Variants in ADORA2A observed in about 807,000 individuals in gnomAD.
ADORA2A encodes the protein adenosine receptor A2a.
A neutral mutation model predicts 18.4 loss-of-function variants in ADORA2A; 11 were observed. The ratio of observed to expected loss-of-function variants is 0.60; its 90% CI spans 0.38 to 0.99. The LOEUF (loss-of-function observed/expected upper bound fraction) is 0.99. Ranked by LOEUF, ADORA2A falls within the 50% of genes least tolerant of loss-of-function variation. The pLI is 0.01. For missense variants in ADORA2A, 449 were observed against 556.1 expected (o/e 0.81, Z 1.94); for synonymous variants, 218 against 237.3 (o/e 0.92, Z 0.75).
At chr22:24,426,981 C>T (rs573367346), upstream of ADORA2A, among the ~76,000 whole-genome samples, 1 of 152,342 alleles carries the variant, frequency 6.6e-6, no homozygotes, top group South Asian at 2.1e-4. Context: ...TGCTGCTGCT[C>T]TTCTGTGCCC....
At chr22:24,434,288 C>A (rs1425273643) in intron 2 of ADORA2A, among the ~76,000 whole-genome samples, 1 of 152,162 alleles carries the variant, frequency 6.6e-6, no homozygotes, top group African/African-American at 2.4e-5. Flanking sequence ...TGGTTGAATG[C>A]CACAGTGAGT....
chr22:24,440,466 T>A, intron 2 of ADORA2A, 117 bp from the exon 3 acceptor site: 4 of 1,015,600 alleles, frequency 3.9e-6, no homozygotes, highest in South Asian at 3.5e-5. Context: ...AGGAAATGAC[T>A]GGTCCAAGAC....
intron 2 of ADORA2A, among the ~76,000 whole-genome samples, chr22:24,439,046 A>AGTAGAGC (rs945199125): frequency 7.0e-6 from 1 of 143,064 alleles, no homozygotes; most frequent in Non-Finnish European, 1.5e-5. Flanking sequence ...TCCGCAGTTA[A>AGTAGAGC]GTAGAGCACA....
chr22:24,431,416 T>C lies in ADORA2A; in HGVS notation c.-274-1715T>C, dbSNP rs778320261. The C allele has an allele frequency of 2.2e-5, 10 of 456,552 alleles. No homozygotes were observed. The East Asian group carries it at 4.2e-4, about 19-fold the overall frequency. 28.3% of individuals were successfully genotyped at this position (456,552 alleles called of 1,614,324 possible). On this transcript the variant is annotated intron_variant, in intron 1 of 2. Transcript: ENST00000337539. The stretch of plus-strand genomic sequence containing the variant: ...CCAGCCACTTGAGGTGCCGACAGCA[T>C]TGGAGTTGGAGGGAAAGTTGGGGTC...
intron 2 of ADORA2A, among the ~76,000 whole-genome samples, chr22:24,439,072 CTTT>C (rs3032740): frequency 1.5e-3 from 110 of 73,076 alleles, no homozygotes; most frequent in South Asian, 6.1e-3. Context: ...CCCCTTGCAC[CTTT>C]TTTTTTTTTT....
chr22:24,425,837 C>G (rs370137275), upstream of ADORA2A, among the ~76,000 whole-genome samples: 4 of 152,340 alleles, frequency 2.6e-5, no homozygotes, highest in African/African-American at 9.6e-5. Context: ...GTTGCTGTCC[C>G]GGGGAATCTG....
rs1234663298 is a variant in ADORA2A, at chr22:24,433,426, G to A, written c.22G>A (p.Val8Met). Residue 8 changes from valine (V) to methionine (M), a missense_variant, in exon 2 of 3, where the codon GTG (valine) becomes ATG (methionine). Val to Met is a conservative substitution (Grantham distance 21). Transcript: ENST00000337539. ...GGCCATGCCCATCATGGGCTCCTCGGTGTACATCACGGTGGAGCTGGCCAT... is the reference window on the plus strand; with the variant it reads ...GGCCATGCCCATCATGGGCTCCTCGATGTACATCACGGTGGAGCTGGCCAT... MPIMGSS[V>M]YITVELAIAV... 1 of 1,613,206 alleles carries A rather than the reference G, an allele frequency of 6.2e-7. No homozygotes were observed. The highest frequency in any genetic ancestry group is 8.5e-7 in the Non-Finnish European group (1 of 1,179,708).
intron 2 of ADORA2A, among the ~76,000 whole-genome samples, chr22:24,436,760 TGGA>T (rs1396685356): frequency 1.3e-5 from 2 of 152,094 alleles, no homozygotes; most frequent in East Asian, 3.9e-4. Context: ...GAGGGCTCCC[TGGA>T]GGAGGTGTCA....
At chr22:24,426,661 G>A (rs536782546), upstream of ADORA2A, among the ~76,000 whole-genome samples, 8 of 152,248 alleles carry the variant, frequency 5.3e-5, no homozygotes, top group East Asian at 1.9e-4. Flanking sequence ...GTTTCATGGC[G>A]GAGGAGGCCT....
Position 24,440,862 on chromosome 22 carries a change from G to T in ADORA2A, c.612G>T (p.Ala204=). The change falls in exon 3 of 3, where the codon GCG becomes GCT. Residue 204 remains alanine (A), a synonymous_variant. Coordinates refer to ENST00000337539, the MANE Select transcript of ADORA2A (RefSeq NM_000675.6). ...LGVYLRIFLA[A]RRQLKQMESQ... Reference sequence around the variant, plus strand: ...TCTATTTGCGGATCTTCCTGGCGGCGCGACGACAGCTGAAGCAGATGGAGA... The same window carrying T: ...TCTATTTGCGGATCTTCCTGGCGGCTCGACGACAGCTGAAGCAGATGGAGA... 1 of 1,614,170 alleles carries T rather than the reference G, an allele frequency of 6.2e-7. No individual in the cohort carries two copies. Among genetic ancestry groups the T allele is most frequent in the Non-Finnish European group, 8.5e-7 (1 of 1,180,036 alleles).
rs3032740 is a variant in ADORA2A, at chr22:24,439,072, C to CTTTTTTTTTTTTTT, written c.333-1495_333-1482dup. On this transcript the variant is annotated intron_variant, in intron 2 of 2. Transcript: ENST00000337539. ...GTAGAGCACATCCTTCCCCTTGCAC[C>CTTTTTTTTTTTTTT]TTTTTTTTTTTTTTTTTTTTTTTTT... Among the ~76,000 whole-genome samples the CTTTTTTTTTTTTTT allele has an allele frequency of 6.2e-4, 45 of 73,104 alleles. 7 individuals are homozygous for CTTTTTTTTTTTTTT. Among genetic ancestry groups the CTTTTTTTTTTTTTT allele is most frequent in the East Asian group, 1.8e-3 (3 of 1,690 alleles). The allele number at this position is 73,104 out of a possible 152,430, so 48.0% of individuals were successfully genotyped here. A position where few individuals can be genotyped will look rare whatever the true frequency, so the allele number is the denominator to read the frequency against.
chr22:24,433,296 C>A lies in ADORA2A; in HGVS notation c.-109C>A. On this transcript the variant is annotated 5_prime_UTR_variant, in exon 2 of 3. Transcript: ENST00000337539. ...TGAGGAAGGGGCTCAGGGGTCTGGG[C>A]CCCTCCGCCTGGGCCGGGCTGGGAG... The A allele has an allele frequency of 9.1e-7, 1 of 1,104,204 alleles. No homozygotes were observed. The highest frequency in any genetic ancestry group is 1.5e-5 in the South Asian group (1 of 66,352). The allele number at this position is 1,104,204 out of a possible 1,614,324, so 68.4% of individuals were successfully genotyped here. A position where few individuals can be genotyped will look rare whatever the true frequency, so the allele number is the denominator to read the frequency against.
intron 1 of ADORA2A, chr22:24,432,092 C>T (rs1341778521): frequency 1.3e-5 from 2 of 154,074 alleles, no homozygotes; most frequent in African/African-American, 4.8e-5. Flanking sequence ...TTCCTGGTGT[C>T]AGCCAGGCAG....
rs2043314142 is a variant in ADORA2A, at chr22:24,440,594, T to C, written c.344T>C (p.Leu115Ser). Residue 115 changes from leucine (L) to serine (S), a missense_variant, in exon 3 of 3, where the codon TTG becomes TCG. Physicochemically the swap from Leu to Ser is moderately radical, Grantham distance 145. Coordinates refer to ENST00000337539, the MANE Select transcript of ADORA2A (RefSeq NM_000675.6). Reference protein sequence around the residue: ...AIRIPLRYNGLVTGTRAKGII... With the variant: ...AIRIPLRYNGSVTGTRAKGII... ...TCTCTTCTCCCCAGGTACAATGGCT[T>C]GGTGACCGGCACGAGGGCTAAGGGC... The C allele has an allele frequency of 3.8e-6, 6 of 1,560,880 alleles. No individual in the cohort carries two copies. In the South Asian group the frequency reaches 6.1e-5, roughly 16 times the overall value.
At chr22:24,434,395 G>A (rs1381587817) in intron 2 of ADORA2A, among the ~76,000 whole-genome samples, 4 of 152,240 alleles carry the variant, frequency 2.6e-5, no homozygotes, top group African/African-American at 9.6e-5. Flanking sequence ...CTGTTGGAGG[G>A]GATTTTTATG....
chr22:24,438,051 G>A (rs1436057441), intron 2 of ADORA2A, among the ~76,000 whole-genome samples: 1 of 152,274 alleles, frequency 6.6e-6, no homozygotes, highest in Non-Finnish European at 1.5e-5. Flanking sequence ...TGGCTGCTTG[G>A]CTCTGCTCTG....
intron 1 of ADORA2A, chr22:24,430,822 G>A (rs2043013206): frequency 3.9e-5 from 13 of 336,586 alleles, no homozygotes; most frequent in South Asian, 3.0e-4. Flanking sequence ...GCCCTAGAGA[G>A]GGCCGTGGTG....
rs781747793 is a variant in ADORA2A at position 24,433,427 on chromosome 22, T to C, written c.23T>C (p.Val8Ala). Residue 8 changes from valine to alanine, a missense_variant, in exon 2 of 3, where the codon GTG becomes GCG. Physicochemically the swap from Val to Ala is moderately conservative, Grantham distance 64. Coordinates refer to ENST00000337539, the MANE Select transcript of ADORA2A (RefSeq NM_000675.6). ...GCCATGCCCATCATGGGCTCCTCGGTGTACATCACGGTGGAGCTGGCCATT... is the reference window on the plus strand; with the variant it reads ...GCCATGCCCATCATGGGCTCCTCGGCGTACATCACGGTGGAGCTGGCCATT... The part of the protein sequence containing the change: MPIMGSS[V>A]YITVELAIAV... The C allele has an allele frequency of 2.5e-6, 4 of 1,613,138 alleles. No individual in the cohort carries two copies. The highest frequency in any genetic ancestry group is 2.7e-5 in the African/African-American group (2 of 74,908).
At position 24,440,199 on chromosome 22, in the gene ADORA2A, T is replaced by C. The variant is rs202168077; in HGVS notation, c.333-384T>C. ...AAGGCTGCGACCAACATGGAGGTAATTGATCTTGGTTAAGGCTACGACACG... is the reference window on the plus strand; with the variant it reads ...AAGGCTGCGACCAACATGGAGGTAACTGATCTTGGTTAAGGCTACGACACG... On this transcript the variant is annotated intron_variant, in intron 2 of 2. Coordinates refer to ENST00000337539, the MANE Select transcript of ADORA2A (RefSeq NM_000675.6). 5.9e-5 allele frequency among the ~76,000 whole-genome samples: 9 copies of C among 152,262 alleles called. No individual in the cohort carries two copies. In the East Asian group the frequency reaches 7.7e-4, roughly 13 times the overall value.
Sources: allele counts gnomAD v4.1 joint callset (sites outside exome capture counted in the v4.1 genomes callset), GRCh38; gene constraint gnomAD v4.1.1; transcripts MANE v1.5; gene names NCBI Gene and HGNC (gene_info 2026-07-23, HGNC 2026-07-21).